Variants in R3HCC1L observed in about 807,000 individuals in gnomAD.
R3HCC1L encodes coiled-coil domain-containing protein R3HCC1L.
A neutral mutation model predicts 59.9 loss-of-function variants in R3HCC1L; 51 were observed. That is an observed-to-expected ratio of 0.85 (90% CI 0.68 to 1.07). The LOEUF is 1.07. Ranked by LOEUF, R3HCC1L falls within the 50% of genes least tolerant of loss-of-function variation. The pLI is 0.00. For missense variants in R3HCC1L, 965 were observed against 933.0 expected (o/e 1.03, Z -0.45); for synonymous variants, 322 against 315.2 (o/e 1.02, Z -0.23).
intron 5 of R3HCC1L, among the ~76,000 whole-genome samples, chr10:98,230,159 TC>T (rs1856198123): frequency 6.6e-6 from 1 of 152,128 alleles, no homozygotes; most frequent in African/African-American, 2.4e-5. Flanking sequence ...AGGAATGGTA[TC>T]AGCTCCTCCT....
chr10:98,152,602 C>G (rs1392768397), intron 1 of R3HCC1L, among the ~76,000 whole-genome samples: 2 of 126,750 alleles, frequency 1.6e-5, no homozygotes, highest in African/African-American at 5.2e-5. Context: ...TCTGCCCAGC[C>G]GCCCATAGTC....
chr10:98,142,949 C>CAAACA (rs1237885167), intron 1 of R3HCC1L, among the ~76,000 whole-genome samples: 5 of 146,776 alleles, frequency 3.4e-5, no homozygotes, highest in Admixed American at 6.8e-5. Flanking sequence ...AAAAAACAAA[C>CAAACA]AAACAAAACA....
chr10:98,152,091 T>G (rs1336886654), intron 1 of R3HCC1L, among the ~76,000 whole-genome samples: 1 of 152,188 alleles, frequency 6.6e-6, no homozygotes. Flanking sequence ...TGCCTGCGAT[T>G]GCAGGCGCGC....
At chr10:98,161,405 T>C (rs1847404440) in intron 2 of R3HCC1L, among the ~76,000 whole-genome samples, 1 of 152,278 alleles carries the variant, frequency 6.6e-6, no homozygotes, top group East Asian at 1.9e-4. Flanking sequence ...TTTTAATATA[T>C]TAGGAATATT....
intron 6 of R3HCC1L, among the ~76,000 whole-genome samples, chr10:98,232,886 A>G (rs1360242298): frequency 1.3e-5 from 2 of 152,240 alleles, no homozygotes; most frequent in Non-Finnish European, 2.9e-5. Context: ...AGAACAGGCA[A>G]AACTAGCAGC....
intron 5 of R3HCC1L, among the ~76,000 whole-genome samples, chr10:98,218,924 T>C (rs971065561): frequency 1.3e-5 from 2 of 152,234 alleles, no homozygotes; most frequent in African/African-American, 4.8e-5. Context: ...TCATAGACTT[T>C]GTTTCTTTTT....
At chr10:98,143,499 C>CT (rs1564981702) in intron 1 of R3HCC1L, among the ~76,000 whole-genome samples, 1 of 152,112 alleles carries the variant, frequency 6.6e-6, no homozygotes, top group African/African-American at 2.4e-5. Context: ...TGTTCTTTGC[C>CT]TTTTTGCCAT....
intron 1 of R3HCC1L, among the ~76,000 whole-genome samples, chr10:98,144,808 G>C (rs992465778): frequency 9.9e-5 from 15 of 152,186 alleles, no homozygotes; most frequent in African/African-American, 3.6e-4. Context: ...AAATACAGCA[G>C]TATTTATGTC....
At chr10:98,207,966 A>G in intron 4 of R3HCC1L, 135 bp from the exon 5 acceptor site, 4 of 799,606 alleles carry the variant, frequency 5.0e-6, no homozygotes, top group Non-Finnish European at 7.7e-6. Flanking sequence ...CAGAGGTTAC[A>G]GTGAGCTGAG....
chr10:98,206,380 C>A (rs1017188195), intron 4 of R3HCC1L, among the ~76,000 whole-genome samples: 1 of 148,820 alleles, frequency 6.7e-6, no homozygotes, highest in Non-Finnish European at 1.5e-5. Flanking sequence ...TGCTTTAAAC[C>A]TTCATATTGC....
At chr10:98,157,365 A>G (rs1294125832) in intron 2 of R3HCC1L, among the ~76,000 whole-genome samples, 6 of 152,196 alleles carry the variant, frequency 3.9e-5, no homozygotes, top group Admixed American at 3.9e-4. Flanking sequence ...TGCTTACTTA[A>G]TCACCCAATT....
At chr10:98,229,254 A>C (rs1856059634) in intron 5 of R3HCC1L, among the ~76,000 whole-genome samples, 1 of 151,978 alleles carries the variant, frequency 6.6e-6, no homozygotes, top group South Asian at 2.1e-4. Flanking sequence ...ATCCTCTTTT[A>C]TTTCATCAAG....
chr10:98,153,451 A>G (rs1846483521), intron 1 of R3HCC1L, among the ~76,000 whole-genome samples: 1 of 152,118 alleles, frequency 6.6e-6, no homozygotes, highest in Admixed American at 6.5e-5. Flanking sequence ...CCTAATCTCA[A>G]GTACCCAGGG....
chr10:98,175,177 A>G (rs1039741278), intron 4 of R3HCC1L, among the ~76,000 whole-genome samples: 2 of 152,200 alleles, frequency 1.3e-5, no homozygotes, highest in African/African-American at 4.8e-5. Flanking sequence ...TCAGTCTTAC[A>G]GATAACTTCA....
At position 98,209,499 on chromosome 10, in the gene R3HCC1L, T is replaced by TTA; in HGVS notation, c.1385_1386insTA (p.Leu462PhefsTer3). 6.2e-7 allele frequency: 1 copy of TTA among 1,613,810 alleles called. No homozygotes were observed. Among genetic ancestry groups the TTA allele is most frequent in the Non-Finnish European group, 8.5e-7 (1 of 1,179,984 alleles). On this transcript the variant is annotated frameshift_variant, in exon 5 of 10. Transcript: ENST00000298999. LOFTEE classifies it high-confidence loss of function. The stretch of plus-strand genomic sequence containing the variant: ...CATTTTACAGAGTCAACAGGAAAGT[T>TTA]GATAGAGAGCTTGTCAGATTGTGCT...
At chr10:98,220,207 T>C (rs1854709956) in intron 5 of R3HCC1L, among the ~76,000 whole-genome samples, 6 of 152,068 alleles carry the variant, frequency 3.9e-5, no homozygotes, top group Admixed American at 3.9e-4. Flanking sequence ...TCAGGATTGA[T>C]TTAGTTCTTC....
At position 98,209,227 on chromosome 10, in the gene R3HCC1L, T is replaced by G. The variant is rs761428053; in HGVS notation, c.1113T>G (p.Ile371Met). ...RDSGFKNVGDITNKACMMDTT... is the reference protein window; with the variant it reads ...RDSGFKNVGDMTNKACMMDTT... ...GTGGATTTAAGAATGTAGGTGACAT[T>G]ACCAATAAAGCATGTATGATGGACA... is the stretch of plus-strand genomic sequence containing the variant. Residue 371 changes from isoleucine to methionine, a missense_variant, in exon 5 of 10, where the codon ATT (isoleucine) becomes ATG (methionine). Transcript: ENST00000298999. 1 of 1,613,880 alleles carries G rather than the reference T, an allele frequency of 6.2e-7. No homozygotes were observed. Among genetic ancestry groups the G allele is most frequent in the South Asian group, 1.1e-5 (1 of 91,078 alleles).
At chr10:98,186,422 G>A (rs978187372) in intron 4 of R3HCC1L, 44 of 731,124 alleles carry the variant, frequency 6.0e-5, no homozygotes, top group Non-Finnish European at 7.2e-5. Context: ...CATGTAGAGA[G>A]ACATTTAACT....
At chr10:98,153,609 TAAAAAAAAAAA>T (rs1160637755) in intron 1 of R3HCC1L, among the ~76,000 whole-genome samples, 7 of 81,018 alleles carry the variant, frequency 8.6e-5, no homozygotes, top group Admixed American at 5.5e-4. Flanking sequence ...AATGATCAAT[TAAAAAAAAAAA>T]AAAAAAAAAA....
Sources: allele counts gnomAD v4.1 joint callset (sites outside exome capture counted in the v4.1 genomes callset), GRCh38; gene constraint gnomAD v4.1.1; transcripts MANE v1.5; gene names NCBI Gene and HGNC (gene_info 2026-07-23, HGNC 2026-07-21).